Variants in EML6 observed in about 807,000 individuals in gnomAD.
EML6 encodes echinoderm microtubule-associated protein-like 6.
EML6 carries 154 observed loss-of-function variants against 240.1 expected under a neutral mutation model. The observed-to-expected ratio is 0.64, with a 90% CI of 0.56 to 0.73. EML6 has a LOEUF of 0.73. EML6 is among the 30% of genes least tolerant of loss of function. The pLI, the probability that EML6 is intolerant of heterozygous loss-of-function variation, is 0.00. For synonymous variants in EML6, 1,148 were observed against 899.0 expected (o/e 1.28, Z -4.95); for missense variants, 2,964 against 2,474.6 (o/e 1.20, Z -4.20).
chr2:54,776,780 A>G (rs1228273519), intron 2 of EML6, among the ~76,000 whole-genome samples: 1 of 152,060 alleles, frequency 6.6e-6, no homozygotes, highest in Non-Finnish European at 1.5e-5. Context: ...ATATTTTACA[A>G]CATATATTCA....
chr2:54,846,921 G>GTATTTTTTTTTTTTTTT (rs1433387717), intron 8 of EML6, among the ~76,000 whole-genome samples: 6 of 81,250 alleles, frequency 7.4e-5, no homozygotes, highest in Middle Eastern at 7.0e-3. Flanking sequence ...GTATGAAGTA[G>GTATTTTTTTTTTTTTTT]TATTTTTTTT....
chr2:54,871,358 A>C (rs1181521440), intron 15 of EML6, 142 bp from the exon 16 acceptor site: 5 of 654,476 alleles, frequency 7.6e-6, no homozygotes, highest in African/African-American at 1.8e-5. Flanking sequence ...AAAATAACTG[A>C]ATTGTAGCAG....
At chr2:54,731,080 C>A (rs950924480) in intron 2 of EML6, among the ~76,000 whole-genome samples, 3 of 152,002 alleles carry the variant, frequency 2.0e-5, no homozygotes, top group Admixed American at 1.3e-4. Flanking sequence ...TAAGCAGAAA[C>A]CTGAAGGGTG....
chr2:54,886,947 CA>C (rs1366821736), intron 17 of EML6, among the ~76,000 whole-genome samples: 2 of 152,142 alleles, frequency 1.3e-5, no homozygotes, highest in East Asian at 3.9e-4. Flanking sequence ...TGGTCCTTCC[CA>C]GATGCAAGCA....
chr2:54,854,992 G>C (rs924189147), intron 11 of EML6, among the ~76,000 whole-genome samples: 1 of 152,120 alleles, frequency 6.6e-6, no homozygotes, highest in African/African-American at 2.4e-5. Context: ...TCAGAACTTG[G>C]GAATAAACAT....
intron 2 of EML6, among the ~76,000 whole-genome samples, chr2:54,753,662 G>GTTT (rs59382484): frequency 4.5e-5 from 6 of 133,804 alleles, no homozygotes; most frequent in Non-Finnish European, 4.8e-5. Flanking sequence ...GCAGTCCTGA[G>GTTT]TTTTTTTTTT....
chr2:54,924,940 C>T (rs1165283024), intron 26 of EML6, among the ~76,000 whole-genome samples: 1 of 152,132 alleles, frequency 6.6e-6, no homozygotes, highest in African/African-American at 2.4e-5. Context: ...ATGAATATTT[C>T]CAGCTGTATA....
intron 2 of EML6, among the ~76,000 whole-genome samples, chr2:54,810,886 A>T (rs1667807710): frequency 6.6e-6 from 1 of 152,110 alleles, no homozygotes; most frequent in Non-Finnish European, 1.5e-5. Context: ...TGGTTTCCCC[A>T]CTAAAAATTG....
intron 2 of EML6, among the ~76,000 whole-genome samples, chr2:54,778,891 CAA>C (rs556068541): frequency 1.0e-5 from 1 of 99,548 alleles, no homozygotes; most frequent in Non-Finnish European, 2.0e-5. Context: ...GACTCCATCT[CAA>C]AAAAAAAAAA....
intron 35 of EML6, 58 bp downstream of exon 35, chr2:54,960,392 C>G: frequency 6.2e-6 from 8 of 1,295,144 alleles, no homozygotes; most frequent in Non-Finnish European, 8.7e-6. Context: ...TGTAGGTACC[C>G]TCCCAGCCGG....
In EML6 at chr2:54,789,387, G is replaced by A. The variant is rs561547032; in HGVS notation, c.198-23845G>A. ...AAATTAGCCGGGCGTGATGGCGGGC[G>A]CCTGTAGTCCCAGCTACTCGGGAGG... On this transcript the variant is annotated intron_variant, in intron 2 of 41. Coordinates refer to ENST00000356458, the MANE Select transcript of EML6 (RefSeq NM_001039753.4). Among the ~76,000 whole-genome samples, 48 of 151,184 alleles carry A rather than the reference G, an allele frequency of 3.2e-4. 1 individual carries two copies. The East Asian group carries it at 7.4e-3, about 23-fold the overall frequency.
intron 29 of EML6, among the ~76,000 whole-genome samples, chr2:54,949,268 C>T (rs1358970627): frequency 6.6e-6 from 1 of 152,186 alleles, no homozygotes; most frequent in African/African-American, 2.4e-5. Flanking sequence ...AGACCCTCAG[C>T]ATCCCTTCCA....
Position 54,928,735 on chromosome 2 carries a change from G to A in EML6, c.3988G>A (p.Val1330Ile). ...GTKPHQQLKE[V>I]SVEERPPVSR... ...CAAGCCACACCAGCAGCTGAAGGAA[G>A]TTTCCGTGGAAGAAAGGTATGGTGT... The change falls in exon 28 of 42, where the codon GTT becomes ATT. Residue 1330 changes from valine to isoleucine, a missense_variant. Physicochemically the swap from Val to Ile is conservative, Grantham distance 29. Coordinates refer to ENST00000356458, the MANE Select transcript of EML6 (RefSeq NM_001039753.4). The A allele has an allele frequency of 1.3e-6, 2 of 1,551,874 alleles. No individual in the cohort carries two copies. Among genetic ancestry groups the A allele is most frequent in the East Asian group, 4.9e-5 (2 of 40,924 alleles).
rs1256969906 is a variant in EML6 at position 54,903,035 on chromosome 2, C to T, written c.3125-9C>T. 1.9e-6 allele frequency: 3 copies of T among 1,546,776 alleles called. No individual in the cohort carries two copies. The highest frequency in any genetic ancestry group is 1.4e-5 in the African/African-American group (1 of 72,820). The stretch of plus-strand genomic sequence containing the variant: ...GGATAATAAGTGTTTTTTGTGGATT[C>T]TTCTGTAGGTGGAAGATGCTGTGCC... On this transcript the variant is annotated splice_polypyrimidine_tract_variant and intron_variant, in intron 22 of 41. Coordinates refer to ENST00000356458, the MANE Select transcript of EML6 (RefSeq NM_001039753.4).
At chr2:54,938,602 C>G (rs1004964861) in intron 28 of EML6, among the ~76,000 whole-genome samples, 5 of 152,196 alleles carry the variant, frequency 3.3e-5, no homozygotes, top group Admixed American at 3.3e-4. Flanking sequence ...GTATAAGTAA[C>G]TACTACAAAA....
Position 54,803,009 on chromosome 2 carries a change from C to T in EML6, c.198-10223C>T, listed in dbSNP as rs371145873. Among the ~76,000 whole-genome samples, 10 of 152,210 alleles carry T rather than the reference C, an allele frequency of 6.6e-5. No homozygotes were observed. In the East Asian group the frequency reaches 1.9e-3, roughly 29 times the overall value. Reference sequence around the variant, plus strand: ...GGGAACTTGGGAGACTGGGGTGAAACAGGTCCCCTCTTTCCTGCCCACTTA... The same window carrying T: ...GGGAACTTGGGAGACTGGGGTGAAATAGGTCCCCTCTTTCCTGCCCACTTA... On this transcript the variant is annotated intron_variant, in intron 2 of 41. Transcript: ENST00000356458.
intron 28 of EML6, among the ~76,000 whole-genome samples, chr2:54,948,623 T>A (rs985067281): frequency 2.0e-5 from 3 of 152,194 alleles, no homozygotes; most frequent in African/African-American, 7.2e-5. Context: ...AGGAGAAGGT[T>A]AAGCAGAGGG....
intron 7 of EML6, among the ~76,000 whole-genome samples, chr2:54,832,172 T>A (rs2104202624): frequency 6.6e-6 from 1 of 152,220 alleles, no homozygotes; most frequent in South Asian, 2.1e-4. Flanking sequence ...GAAGAAAGGC[T>A]CCTGGTTTGA....
At chr2:54,940,246 A>G (rs1313810918) in intron 28 of EML6, among the ~76,000 whole-genome samples, 1 of 152,196 alleles carries the variant, frequency 6.6e-6, no homozygotes, top group Non-Finnish European at 1.5e-5. Flanking sequence ...CCTATCTTCC[A>G]CCTCATTCTT....
Sources: gnomAD v4.1 joint callset for allele counts (sites outside exome capture counted in the v4.1 genomes callset) on GRCh38, gnomAD v4.1.1 for gene constraint, MANE v1.5 for transcripts, NCBI Gene and HGNC (gene_info 2026-07-23, HGNC 2026-07-21) for gene names.